The following ZNF407 variants were observed in gnomAD, a reference collection of about 807,000 sequenced individuals.
ZNF407 encodes the protein zinc finger protein 407.
In ZNF407, 17 loss-of-function variants were observed where a neutral mutation model predicts 131.2. The observed-to-expected ratio is 0.13, with a 90% CI of 0.09 to 0.19. The LOEUF (loss-of-function observed/expected upper bound fraction) is 0.19. Ranked by LOEUF, ZNF407 falls within the 10% of genes least tolerant of loss-of-function variation. The pLI is 1.00. For synonymous variants in ZNF407, 1,156 were observed against 1,062.0 expected (o/e 1.09, Z -1.72); for missense variants, 2,681 against 2,830.6 (o/e 0.95, Z 1.20).
chr18:75,042,749 T>C (rs929798696), intron 8 of ZNF407, among the ~76,000 whole-genome samples: 1 of 152,234 alleles, frequency 6.6e-6, no homozygotes, highest in Non-Finnish European at 1.5e-5. Context: ...TCTCTTCTCC[T>C]AGCACTCAGG....
intron 6 of ZNF407, among the ~76,000 whole-genome samples, chr18:74,888,753 A>T (rs958656177): frequency 6.6e-6 from 1 of 152,210 alleles, no homozygotes; most frequent in African/African-American, 2.4e-5. Context: ...AGACTCCATG[A>T]TTCTTTGAAT....
At chr18:74,947,367 C>G (rs1972165072) in intron 8 of ZNF407, among the ~76,000 whole-genome samples, 3 of 152,144 alleles carry the variant, frequency 2.0e-5, no homozygotes, top group Non-Finnish European at 4.4e-5. Flanking sequence ...TCCATGCCAC[C>G]TTCAGCTGAG....
chr18:74,998,366 T>C (rs1381485023), intron 8 of ZNF407, among the ~76,000 whole-genome samples: 2 of 152,224 alleles, frequency 1.3e-5, no homozygotes, highest in African/African-American at 4.8e-5. Context: ...TCTTGCCTCC[T>C]TCAGTGTGGG....
Position 74,700,642 on chromosome 18 carries a change from T to G in ZNF407, c.4802+59520T>G, listed in dbSNP as rs979397732. On this transcript the variant is annotated intron_variant, in intron 3 of 8. Coordinates refer to ENST00000299687, the MANE Select transcript of ZNF407 (RefSeq NM_017757.3). ...TCAGCCTTAACTTTATTCTATAAAA[T>G]AGTTTCTGTGATGACAGAGGAGACT... Among the ~76,000 whole-genome samples, 3 of 151,980 alleles carry G rather than the reference T, an allele frequency of 2.0e-5. No homozygotes were observed. The East Asian group carries it at 5.8e-4, about 29-fold the overall frequency.
intron 8 of ZNF407, among the ~76,000 whole-genome samples, chr18:75,002,668 G>A (rs1568297548): frequency 6.6e-6 from 1 of 152,150 alleles, no homozygotes; most frequent in Non-Finnish European, 1.5e-5. Flanking sequence ...AACCGGGCGT[G>A]GTGACGGGCG....
chr18:75,062,987 C>A, intron 8 of ZNF407, 163 bp from the exon 9 acceptor site: 1 of 618,204 alleles, frequency 1.6e-6, no homozygotes. Flanking sequence ...CCCACGGAGG[C>A]CTCTGGCCCT....
intron 8 of ZNF407, among the ~76,000 whole-genome samples, chr18:74,969,210 C>T (rs1233929417): frequency 6.6e-6 from 1 of 151,996 alleles, no homozygotes; most frequent in Non-Finnish European, 1.5e-5. Flanking sequence ...TTTATGATGC[C>T]TGCTTTAAAA....
chr18:75,044,947 C>G (rs901264284), intron 8 of ZNF407, among the ~76,000 whole-genome samples: 1 of 152,116 alleles, frequency 6.6e-6, no homozygotes, highest in African/African-American at 2.4e-5. Flanking sequence ...AATTCCATTA[C>G]AGCAAAGAAT....
intron 8 of ZNF407, among the ~76,000 whole-genome samples, chr18:74,936,605 C>T (rs1251240731): frequency 1.3e-5 from 2 of 152,168 alleles, no homozygotes; most frequent in African/African-American, 4.8e-5. Context: ...AGGTGTATGG[C>T]TAGTTCCTTC....
chr18:74,783,923 A>G (rs1449145758), intron 4 of ZNF407, among the ~76,000 whole-genome samples: 1 of 152,200 alleles, frequency 6.6e-6, no homozygotes, highest in Non-Finnish European at 1.5e-5. Context: ...GAGAAATACT[A>G]CACAGGAATG....
chr18:74,858,880 A>C (rs1396300279), intron 4 of ZNF407, among the ~76,000 whole-genome samples: 1 of 152,098 alleles, frequency 6.6e-6, no homozygotes, highest in Non-Finnish European at 1.5e-5. Flanking sequence ...TAACAATTTC[A>C]GATTGTTCTG....
intron 3 of ZNF407, among the ~76,000 whole-genome samples, chr18:74,663,216 G>A (rs887770955): frequency 5.3e-5 from 8 of 152,240 alleles, no homozygotes; most frequent in South Asian, 4.1e-4. Context: ...GCTTGGGAAC[G>A]TCCATTTTAG....
chr18:75,060,672 A>AT (rs1266612987), intron 8 of ZNF407, among the ~76,000 whole-genome samples: 1 of 148,564 alleles, frequency 6.7e-6, no homozygotes. Context: ...CGCCCGGCTA[A>AT]TTTTTTGTAT....
chr18:74,831,416 G>GT (rs1218858638), intron 4 of ZNF407, among the ~76,000 whole-genome samples: 8 of 152,140 alleles, frequency 5.3e-5, no homozygotes, highest in East Asian at 3.9e-4. Context: ...GTAACTCTCT[G>GT]TTTTTTTCCT....
At chr18:74,849,051 T>C (rs1353458915) in intron 4 of ZNF407, among the ~76,000 whole-genome samples, 3 of 33,962 alleles carry the variant, frequency 8.8e-5, no homozygotes, top group South Asian at 1.8e-3. Flanking sequence ...TACTTTTGTT[T>C]CTTTTTTTTT....
chr18:74,623,658 G>A (rs1001419238), intron 1 of ZNF407, among the ~76,000 whole-genome samples: 1 of 152,126 alleles, frequency 6.6e-6, no homozygotes, highest in African/African-American at 2.4e-5. Flanking sequence ...AGAAGGCTGC[G>A]CTTGATTTAT....
intron 8 of ZNF407, among the ~76,000 whole-genome samples, chr18:75,008,439 C>T (rs531927438): frequency 3.3e-5 from 5 of 152,292 alleles, no homozygotes; most frequent in South Asian, 2.1e-4. Context: ...TCTGAAGAAA[C>T]GACCTTGCAG....
At chr18:75,058,339 C>T (rs955723256) in intron 8 of ZNF407, among the ~76,000 whole-genome samples, 4 of 152,180 alleles carry the variant, frequency 2.6e-5, no homozygotes, top group East Asian at 1.9e-4. Context: ...TCAATGCATT[C>T]GGCTCTGAGA....
At chr18:74,640,262 CTCATTTT>C (rs1305692308) in intron 2 of ZNF407, among the ~76,000 whole-genome samples, 2 of 151,906 alleles carry the variant, frequency 1.3e-5, no homozygotes, top group Admixed American at 6.6e-5. Flanking sequence ...ATCTTATTTT[CTCATTTT>C]TGAGTATAGT....
Sources: gnomAD v4.1 joint callset for allele counts (sites outside exome capture counted in the v4.1 genomes callset) on GRCh38, gnomAD v4.1.1 for gene constraint, MANE v1.5 for transcripts, NCBI Gene and HGNC (gene_info 2026-07-23, HGNC 2026-07-21) for gene names.